Variants in C2CD3 observed in about 807,000 individuals in gnomAD.
C2CD3 encodes C2 domain-containing protein 3.
In C2CD3, 148 loss-of-function variants were observed where a neutral mutation model predicts 234.0. The observed-to-expected ratio is 0.63, with a 90% CI of 0.55 to 0.72. The LOEUF is 0.72. Ranked by LOEUF, C2CD3 falls within the 30% of genes least tolerant of loss-of-function variation. The pLI is 0.00. For missense variants in C2CD3, 2,577 were observed against 2,811.5 expected, an observed-to-expected ratio of 0.92 and a Z score of 1.89; for synonymous variants, 1,000 against 1,035.4, an observed-to-expected ratio of 0.97 and a Z score of 0.66.
At chr11:74,153,210 A>AAAAAC (rs58806804) in intron 3 of C2CD3, among the ~76,000 whole-genome samples, 30,355 of 147,986 alleles carry the variant, frequency 0.21, 3,294 homozygotes, top group Admixed American at 0.27. Flanking sequence ...TCTGTCTCTT[A>AAAAAC]AAAACAAAAC....
rs202091132 is a variant in C2CD3 at position 74,138,717 on chromosome 11, T to C, written c.955+3A>G. 1.3e-5 allele frequency: 21 copies of C among 1,610,902 alleles called. No homozygotes were observed. Among genetic ancestry groups the C allele is most frequent in the Non-Finnish European group, 1.7e-5 (20 of 1,177,306 alleles). On this transcript the variant is annotated splice_donor_region_variant and intron_variant, in intron 5 of 32. Coordinates refer to ENST00000334126, the MANE Select transcript of C2CD3 (RefSeq NM_001286577.2). ...CTGACTCAGTTCACAAATACATACA[T>C]ACCTGAAAGAAGATCCTTGGTAGGG... is the stretch of plus-strand genomic sequence containing the variant.
chr11:74,140,674 A>C (rs1163506998), intron 3 of C2CD3, among the ~76,000 whole-genome samples: 1 of 152,140 alleles, frequency 6.6e-6, no homozygotes, highest in Non-Finnish European at 1.5e-5. Flanking sequence ...TACTTAGCAT[A>C]GTGTGTGTAT....
chr11:74,040,318 C>T (rs1319988842), intron 29 of C2CD3, among the ~76,000 whole-genome samples: 1 of 152,190 alleles, frequency 6.6e-6, no homozygotes, highest in Non-Finnish European at 1.5e-5. Flanking sequence ...AATGGTCTTC[C>T]ACAAAACCAG....
rs949742145 is a variant in C2CD3, at chr11:74,078,465, A to T, written c.4253T>A (p.Ile1418Asn). 1 of 1,614,196 alleles carries T rather than the reference A, an allele frequency of 6.2e-7. No homozygotes were observed. Among genetic ancestry groups the T allele is most frequent in the Non-Finnish European group, 8.5e-7 (1 of 1,180,034 alleles). The change falls in exon 23 of 33, where the codon ATC becomes AAC. Residue 1418 changes from isoleucine to asparagine, a missense_variant. Coordinates refer to ENST00000334126, the MANE Select transcript of C2CD3 (RefSeq NM_001286577.2). ...GTGGCCAGCAAGCAGCACACAATGGATGGGCAGCCACAGCCTTGGGGTGGA... is the reference window on the plus strand; with the variant it reads ...GTGGCCAGCAAGCAGCACACAATGGTTGGGCAGCCACAGCCTTGGGGTGGA... ...TISTPRLWLP[I>N]HCVLLAGHNH...
intron 19 of C2CD3, 126 bp from the exon 20 acceptor site, chr11:74,091,062 G>T (rs1955873938): frequency 4.6e-6 from 4 of 860,244 alleles, no homozygotes; most frequent in South Asian, 3.6e-5. Flanking sequence ...GGCAATGAGA[G>T]AATCTGTCCT....
chr11:74,057,138 A>G (rs953145904), intron 25 of C2CD3, among the ~76,000 whole-genome samples: 5 of 152,172 alleles, frequency 3.3e-5, no homozygotes, highest in Admixed American at 2.6e-4. Flanking sequence ...TATCTTAATA[A>G]TCTTTAATTC....
At chr11:74,060,865 C>G (rs1295103095) in intron 24 of C2CD3, among the ~76,000 whole-genome samples, 1 of 152,072 alleles carries the variant, frequency 6.6e-6, no homozygotes, top group Admixed American at 6.6e-5. Flanking sequence ...TGCAAAGAAG[C>G]TAAAAACCTT....
intron 23 of C2CD3, 35 bp from the exon 24 acceptor site, chr11:74,074,635 G>T: frequency 6.5e-7 from 1 of 1,538,230 alleles, no homozygotes; most frequent in South Asian, 1.2e-5. Flanking sequence ...GGCTAGTCAA[G>T]CAGGAACCAA....
intron 3 of C2CD3, among the ~76,000 whole-genome samples, chr11:74,148,155 T>C (rs2135553829): frequency 6.6e-6 from 1 of 152,284 alleles, no homozygotes; most frequent in East Asian, 1.9e-4. Flanking sequence ...TTGTGAATGG[T>C]TAAGATCTGT....
intron 32 of C2CD3, among the ~76,000 whole-genome samples, chr11:74,026,784 A>G (rs1282575488): frequency 6.6e-6 from 1 of 151,934 alleles, no homozygotes; most frequent in Non-Finnish European, 1.5e-5. Flanking sequence ...CCTGGCCAAC[A>G]TGGTGAAACC....
intron 28 of C2CD3, among the ~76,000 whole-genome samples, chr11:74,043,141 G>A (rs1953156389): frequency 6.6e-6 from 1 of 152,152 alleles, no homozygotes; most frequent in Non-Finnish European, 1.5e-5. Flanking sequence ...ATACCCATTA[G>A]AACCATTCTA....
chr11:74,164,101 A>G (rs987613687), intron 2 of C2CD3: 8 of 728,888 alleles, frequency 1.1e-5, no homozygotes, highest in African/African-American at 3.9e-5. Flanking sequence ...AGTCCACTAC[A>G]CTATTCATCA....
Position 74,164,179 on chromosome 11 carries a change from G to C in C2CD3, c.326-2623C>G, listed in dbSNP as rs966886340. 9 of 971,376 alleles carry C rather than the reference G, an allele frequency of 9.3e-6. No homozygotes were observed. The African/African-American group carries it at 1.6e-4, about 17-fold the overall frequency. 60.2% of individuals were successfully genotyped at this position (971,376 alleles called of 1,614,324 possible). A position where few individuals can be genotyped will look rare whatever the true frequency, so the allele number is the denominator to read the frequency against. On this transcript the variant is annotated intron_variant, in intron 2 of 32. Transcript: ENST00000334126. Reference sequence around the variant, plus strand: ...TTATACTTCACTTGTTGTGGAATTAGAATCCCTACTGTCCAGCACTATTCC... The same window carrying C: ...TTATACTTCACTTGTTGTGGAATTACAATCCCTACTGTCCAGCACTATTCC...
chr11:74,157,290 C>T (rs1331375472), intron 3 of C2CD3, among the ~76,000 whole-genome samples: 3 of 152,138 alleles, frequency 2.0e-5, no homozygotes, highest in Non-Finnish European at 4.4e-5. Context: ...ATAGTATTTA[C>T]TTAAGGTAAA....
At chr11:74,158,509 G>A (rs1283534928) in intron 3 of C2CD3, among the ~76,000 whole-genome samples, 1 of 152,070 alleles carries the variant, frequency 6.6e-6, no homozygotes, top group East Asian at 1.9e-4. Flanking sequence ...GATCACCCGA[G>A]GTCAGGAGTT....
At chr11:74,163,353 A>C (rs1211656118) in intron 2 of C2CD3, among the ~76,000 whole-genome samples, 1 of 152,194 alleles carries the variant, frequency 6.6e-6, no homozygotes, top group Non-Finnish European at 1.5e-5. Context: ...TGGTTGGTAA[A>C]TGACTTTAGG....
intron 11 of C2CD3, chr11:74,109,578 A>G (rs1956666228): frequency 6.5e-6 from 1 of 153,584 alleles, no homozygotes; most frequent in South Asian, 2.1e-4. Context: ...ACTATAATAC[A>G]AAAATAAGCC....
chr11:74,022,555 T>A (rs1286350081), intron 32 of C2CD3, among the ~76,000 whole-genome samples: 2 of 151,730 alleles, frequency 1.3e-5, no homozygotes, highest in African/African-American at 4.8e-5. Flanking sequence ...TTCCCAAGAG[T>A]GAAAATCTAC....
chr11:74,022,418 C>T (rs115638005), intron 32 of C2CD3, among the ~76,000 whole-genome samples: 1,701 of 152,178 alleles, frequency 0.011, 32 homozygotes, highest in African/African-American at 0.037. Context: ...TGTGACACAT[C>T]GGACAAGACG....
Sources: gnomAD v4.1 joint callset for allele counts (sites outside exome capture counted in the v4.1 genomes callset) on GRCh38, gnomAD v4.1.1 for gene constraint, MANE v1.5 for transcripts, NCBI Gene and HGNC (gene_info 2026-07-23, HGNC 2026-07-21) for gene names.